PAX7: variants seen among roughly 807,000 people sequenced by gnomAD.
PAX7 encodes the protein paired box 7.
PAX7 carries 18 observed loss-of-function variants against 50.7 expected under a neutral mutation model. That is an observed-to-expected ratio of 0.36 (90% confidence interval 0.25 to 0.53). The LOEUF is 0.53. Ranked by LOEUF, PAX7 falls within the 20% of genes least tolerant of loss-of-function variation. The pLI is 0.93. For synonymous variants in PAX7, 310 were observed against 290.4 expected, an observed-to-expected ratio of 1.07 and a Z score of -0.69; for missense variants, 644 against 702.9, an observed-to-expected ratio of 0.92 and a Z score of 0.95.
chr1:18,634,081 C>A lies in PAX7; in HGVS notation c.86-222C>A, dbSNP rs539994071. 2.6e-5 allele frequency among the ~76,000 whole-genome samples: 4 copies of A among 152,354 alleles called. No individual in the cohort carries two copies. Among genetic ancestry groups the A allele is most frequent in the African/African-American group, 9.6e-5 (4 of 41,590 alleles). On this transcript the variant is annotated intron_variant, in intron 1 of 8. Coordinates refer to ENST00000420770, the MANE Select transcript of PAX7 (RefSeq NM_001135254.2). This position sits in a 1 kb window ranked among gnomAD's most constrained non-coding sequence, Gnocchi z 4.0. ...ACAGCATCTGGGGAGACTCTTGCAG[C>A]TGTGACTCCTCTATCCATCTCTGCA...
chr1:18,638,688 A>T (rs537869094), intron 4 of PAX7, among the ~76,000 whole-genome samples: 1 of 152,298 alleles, frequency 6.6e-6, no homozygotes, highest in South Asian at 2.1e-4. Context: ...TTCAGCATAG[A>T]TGTGCAGGGA....
chr1:18,658,498 G>A (rs958691741), intron 4 of PAX7, among the ~76,000 whole-genome samples: 1 of 152,328 alleles, frequency 6.6e-6, no homozygotes, highest in East Asian at 1.9e-4. Context: ...AGGTGTTATT[G>A]GCCCCACATG....
intron 4 of PAX7, among the ~76,000 whole-genome samples, chr1:18,690,366 T>C (rs2089048908): frequency 1.3e-5 from 2 of 152,202 alleles, no homozygotes; most frequent in Admixed American, 1.3e-4. Flanking sequence ...CCTTTCTGCT[T>C]CCTCTTCTCT....
At chr1:18,667,391 A>AAAGGAAGGAAGGAAGGAAGGAAGGAAGG (rs3080496) in intron 4 of PAX7, among the ~76,000 whole-genome samples, 10 of 113,388 alleles carry the variant, frequency 8.8e-5, no homozygotes, top group East Asian at 2.8e-4. Flanking sequence ...AAGGAAGGAG[A>AAAGGAAGGAAGGAAGGAAGGAAGGAAGG]AAGGAAGGAA....
intron 7 of PAX7, among the ~76,000 whole-genome samples, chr1:18,722,210 C>T (rs1387935799): frequency 1.3e-5 from 2 of 152,050 alleles, no homozygotes; most frequent in Non-Finnish European, 2.9e-5. Flanking sequence ...GGAGTGGGGT[C>T]GTAATCAGAG....
At chr1:18,688,838 C>T (rs1055790267) in intron 4 of PAX7, among the ~76,000 whole-genome samples, 3 of 152,136 alleles carry the variant, frequency 2.0e-5, no homozygotes, top group Non-Finnish European at 2.9e-5. Flanking sequence ...CATTTGAACC[C>T]GGGAGATGGA....
chr1:18,701,313 C>T (rs534447505), intron 6 of PAX7, among the ~76,000 whole-genome samples: 21 of 151,878 alleles, frequency 1.4e-4, no homozygotes, highest in South Asian at 1.3e-3. Context: ...TACAAATGTG[C>T]GTGTGAGTGC....
chr1:18,689,495 C>A (rs571626), intron 4 of PAX7, among the ~76,000 whole-genome samples: 1 of 152,124 alleles, frequency 6.6e-6, no homozygotes, highest in African/African-American at 2.4e-5. Flanking sequence ...TGGGGATGAG[C>A]CAGGCCATGA....
chr1:18,706,460 C>CT lies in PAX7; in HGVS notation c.1155+3183dup, dbSNP rs71027391. Among the ~76,000 whole-genome samples the CT allele has an allele frequency of 6.4e-3, 627 of 98,594 alleles. 2 individuals are homozygous for CT. Among genetic ancestry groups the CT allele is most frequent in the Non-Finnish European group, 8.5e-3 (422 of 49,724 alleles). 64.7% of individuals were successfully genotyped at this position (98,594 alleles called of 152,430 possible). A position where few individuals can be genotyped will look rare whatever the true frequency, so the allele number is the denominator to read the frequency against. The stretch of plus-strand genomic sequence containing the variant: ...TTTCTTTTCTTTTCTCTCTCTCTCT[C>CT]TTTTTTTTTTTTTTTTTTTGAGACA... On this transcript the variant is annotated intron_variant, in intron 7 of 8. Transcript: ENST00000420770.
intron 4 of PAX7, among the ~76,000 whole-genome samples, chr1:18,683,884 G>A (rs1417741684): frequency 6.6e-6 from 1 of 152,142 alleles, no homozygotes; most frequent in African/African-American, 2.4e-5. Flanking sequence ...GTGTGCGGTG[G>A]GTGGTGGATG....
chr1:18,696,851 T>A (rs916863223), intron 5 of PAX7, among the ~76,000 whole-genome samples: 1 of 152,066 alleles, frequency 6.6e-6, no homozygotes, highest in African/African-American at 2.4e-5. Context: ...CACAATAGGG[T>A]GACTATAGTC....
chr1:18,742,717 G>A (rs561255564), intron 8 of PAX7, among the ~76,000 whole-genome samples: 170 of 152,304 alleles, frequency 1.1e-3, no homozygotes, highest in Non-Finnish European at 9.9e-4. Flanking sequence ...ACCCTAGGCA[G>A]ACTTAACTTT....
At chr1:18,645,308 G>C (rs1336994596) in intron 4 of PAX7, among the ~76,000 whole-genome samples, 1 of 152,256 alleles carries the variant, frequency 6.6e-6, no homozygotes, top group Non-Finnish European at 1.5e-5. Context: ...CTGGGCTGCG[G>C]AGCCTCTTGC....
chr1:18,634,571 G>T lies in PAX7; in HGVS notation c.321+33G>T, dbSNP rs773385813. ...TCTTTGCCACAGAGGCTGGCAGCTG[G>T]CTTCCTATAGTCGGGGGCTCCTGGT... On this transcript the variant is annotated intron_variant, in intron 2 of 8. Transcript: ENST00000420770. The surrounding 1 kb of genome is among the most constrained non-coding windows in gnomAD (Gnocchi z 4.0). The T allele has an allele frequency of 6.4e-5, 102 of 1,588,248 alleles. No homozygotes were observed. Among genetic ancestry groups the T allele is most frequent in the Non-Finnish European group, 8.4e-5 (97 of 1,159,000 alleles).
chr1:18,691,975 C>T (rs376584348), intron 5 of PAX7, 22 bp downstream of exon 5: 118 of 1,602,676 alleles, frequency 7.4e-5, no homozygotes, highest in South Asian at 2.2e-4. Context: ...CCTGCGGTGT[C>T]GGTGCTGCAG....
In PAX7 at chr1:18,631,390, C is replaced by G; in HGVS notation, c.-214C>G. 1 of 570,538 alleles carries G rather than the reference C, an allele frequency of 1.8e-6. No homozygotes were observed. The highest frequency in any genetic ancestry group is 2.2e-5 in the South Asian group (1 of 45,128). The allele number at this position is 570,538 out of a possible 1,614,324, so 35.3% of individuals were successfully genotyped here. The stretch of plus-strand genomic sequence containing the variant: ...TCGCCACCTTCCCTCCCCCCAACCT[C>G]CACCCCACCTCACCCCCCTCCCCAG... On this transcript the variant is annotated 5_prime_UTR_variant, in exon 1 of 9. Transcript: ENST00000420770.
chr1:18,693,066 C>T (rs1411990074), intron 5 of PAX7, among the ~76,000 whole-genome samples: 3 of 152,038 alleles, frequency 2.0e-5, no homozygotes, highest in Non-Finnish European at 2.9e-5. Context: ...GAGGAAGAGC[C>T]GGGACAAGTC....
intron 4 of PAX7, among the ~76,000 whole-genome samples, chr1:18,660,024 G>A (rs1332443828): frequency 1.3e-5 from 2 of 152,232 alleles, no homozygotes; most frequent in Non-Finnish European, 2.9e-5. Flanking sequence ...GGGAAGCATG[G>A]ATGTAGGAGG....
At chr1:18,698,710 G>A (rs978491749) in intron 5 of PAX7, among the ~76,000 whole-genome samples, 2 of 152,154 alleles carry the variant, frequency 1.3e-5, no homozygotes, top group East Asian at 1.9e-4. Flanking sequence ...AACCCTCGGC[G>A]CCCTGTGGAA....
Sources: gnomAD v4.1 joint callset for allele counts (sites outside exome capture counted in the v4.1 genomes callset) on GRCh38, gnomAD v4.1.1 for gene constraint, Gnocchi (gnomAD v3.1) non-coding constraint, MANE v1.5 for transcripts, NCBI Gene and HGNC (gene_info 2026-07-23, HGNC 2026-07-21) for gene names.